MAML2: variants seen among roughly 807,000 people sequenced by gnomAD.
MAML2 encodes mastermind like transcriptional coactivator 2.
In MAML2, 22 loss-of-function variants were observed where a neutral mutation model predicts 96.1. That is an observed-to-expected ratio of 0.23 (90% confidence interval 0.16 to 0.33). The LOEUF (loss-of-function observed/expected upper bound fraction) is 0.33. Among genes scored for constraint, MAML2 ranks in the 10% least tolerant of loss-of-function variants. The probability of loss-of-function intolerance (pLI) is 1.00; values close to 1 mark genes in which losing one functional copy is unlikely to be tolerated. For missense variants in MAML2, 1,367 were observed against 1,392.4 expected (o/e 0.98, Z 0.29); for synonymous variants, 561 against 521.3 (o/e 1.08, Z -1.04).
In MAML2 at chr11:96,097,544, C is replaced by A. The variant is rs183766021; in HGVS notation, c.514-4027G>T. ...GGAAGGATCTCCAAAACAAATCTTT[C>A]ACCCAAGGGCTGACCTACCAATTAG... is the stretch of plus-strand genomic sequence containing the variant. On this transcript the variant is annotated intron_variant, in intron 1 of 4. Coordinates refer to ENST00000524717, the MANE Select transcript of MAML2 (RefSeq NM_032427.4). 2.0e-3 allele frequency among the ~76,000 whole-genome samples: 303 copies of A among 152,274 alleles called. 2 individuals carry two copies. Among genetic ancestry groups the A allele is most frequent in the Middle Eastern group, 3.4e-3 (1 of 292 alleles).
chr11:96,283,294 T>C (rs765135242), intron 1 of MAML2, among the ~76,000 whole-genome samples: 38 of 152,236 alleles, frequency 2.5e-4, no homozygotes, highest in Admixed American at 3.9e-4. Flanking sequence ...AATCTCACAT[T>C]AGTTTATTAA....
Position 96,128,617 on chromosome 11 carries a change from A to G in MAML2, c.514-35100T>C, listed in dbSNP as rs1860492740. Reference sequence around the variant, plus strand: ...TTCCTATTTATCAGGTTTACATGGCATGGTGCACCTAGGGCTCTCCAATAC... The same window carrying G: ...TTCCTATTTATCAGGTTTACATGGCGTGGTGCACCTAGGGCTCTCCAATAC... On this transcript the variant is annotated intron_variant, in intron 1 of 4. Transcript: ENST00000524717. 2.0e-5 allele frequency among the ~76,000 whole-genome samples: 3 copies of G among 152,172 alleles called. No individual in the cohort carries two copies. The South Asian group carries it at 6.2e-4, about 31-fold the overall frequency.
chr11:96,019,081 G>A (rs535498281), intron 2 of MAML2, among the ~76,000 whole-genome samples: 1 of 152,280 alleles, frequency 6.6e-6, no homozygotes, highest in East Asian at 1.9e-4. Flanking sequence ...GAAAAATAGA[G>A]AGGTAGCAGA....
intron 2 of MAML2, among the ~76,000 whole-genome samples, chr11:96,082,007 G>A (rs1859535487): frequency 6.6e-6 from 1 of 152,058 alleles, no homozygotes; most frequent in African/African-American, 2.4e-5. Context: ...CACCCCCATC[G>A]CATAACTTCT....
chr11:96,063,030 T>A (rs1279330432), intron 2 of MAML2, among the ~76,000 whole-genome samples: 2 of 152,228 alleles, frequency 1.3e-5, no homozygotes, highest in African/African-American at 4.8e-5. Flanking sequence ...CTTATACTCA[T>A]ACAAAGTCTT....
intron 2 of MAML2, among the ~76,000 whole-genome samples, chr11:96,080,495 T>C (rs1006275223): frequency 5.9e-5 from 9 of 152,314 alleles, no homozygotes; most frequent in South Asian, 4.1e-4. Context: ...AATCATAAAA[T>C]TCAAAATAAT....
chr11:96,216,720 A>G (rs1230627478), intron 1 of MAML2, among the ~76,000 whole-genome samples: 1 of 152,188 alleles, frequency 6.6e-6, no homozygotes, highest in Non-Finnish European at 1.5e-5. Flanking sequence ...CGTGCAGCCC[A>G]TTGAGAGAAG....
intron 2 of MAML2, among the ~76,000 whole-genome samples, chr11:96,069,000 C>T (rs979259152): frequency 1.4e-5 from 2 of 144,604 alleles, no homozygotes; most frequent in South Asian, 2.2e-4. Context: ...TAGCTCACTG[C>T]GGTCTCAAAC....
At chr11:96,125,639 G>A (rs1231957731) in intron 1 of MAML2, among the ~76,000 whole-genome samples, 1 of 152,116 alleles carries the variant, frequency 6.6e-6, no homozygotes, top group East Asian at 1.9e-4. Context: ...TGCCATGAAC[G>A]GTTCGTGTTA....
At chr11:96,278,232 GA>G (rs1323814571) in intron 1 of MAML2, among the ~76,000 whole-genome samples, 18 of 151,908 alleles carry the variant, frequency 1.2e-4, no homozygotes, top group Non-Finnish European at 1.9e-4. Flanking sequence ...TACTAAGGGG[GA>G]AAAAAAGGAA....
At chr11:96,166,147 T>G (rs1861186426) in intron 1 of MAML2, among the ~76,000 whole-genome samples, 1 of 113,304 alleles carries the variant, frequency 8.8e-6, no homozygotes, top group African/African-American at 3.1e-5. Flanking sequence ...TCTCTCTCTC[T>G]CTGTCTGTCT....
intron 1 of MAML2, among the ~76,000 whole-genome samples, chr11:96,110,919 T>G (rs1194452695): frequency 6.6e-6 from 1 of 152,240 alleles, no homozygotes; most frequent in Non-Finnish European, 1.5e-5. Flanking sequence ...AGGTCACATA[T>G]GGGACTTGCT....
chr11:96,259,013 ACT>A (rs1591100826), intron 1 of MAML2, among the ~76,000 whole-genome samples: 1 of 152,092 alleles, frequency 6.6e-6, no homozygotes, highest in African/African-American at 2.4e-5. Context: ...GAAAACACTA[ACT>A]CTGTTCAGAA....
chr11:96,062,529 G>T (rs1033973580), intron 2 of MAML2, among the ~76,000 whole-genome samples: 1 of 152,220 alleles, frequency 6.6e-6, no homozygotes, highest in Non-Finnish European at 1.5e-5. Context: ...TACAATAAGG[G>T]TGGCAGAGTT....
chr11:96,194,623 T>G (rs957253168), intron 1 of MAML2, among the ~76,000 whole-genome samples: 1 of 152,252 alleles, frequency 6.6e-6, no homozygotes, highest in Admixed American at 6.5e-5. Context: ...AACCACATTT[T>G]GAAATGTTGC....
chr11:96,340,089 C>T (rs1384292507), intron 1 of MAML2, among the ~76,000 whole-genome samples: 3 of 152,204 alleles, frequency 2.0e-5, no homozygotes, highest in African/African-American at 7.2e-5. Context: ...CACCATCCTA[C>T]TCCCCAGAGA....
chr11:96,070,602 C>G (rs1327660045), intron 2 of MAML2, among the ~76,000 whole-genome samples: 3 of 152,246 alleles, frequency 2.0e-5, no homozygotes, highest in Non-Finnish European at 4.4e-5. Flanking sequence ...GCTGCCCACC[C>G]CACTGGCGTG....
chr11:96,060,119 A>G (rs1859131982), intron 2 of MAML2, among the ~76,000 whole-genome samples: 1 of 152,248 alleles, frequency 6.6e-6, no homozygotes, highest in Admixed American at 6.5e-5. Flanking sequence ...TAAGAGCTTC[A>G]TGTGGTAGAA....
At chr11:96,054,388 A>G (rs1202942138) in intron 2 of MAML2, among the ~76,000 whole-genome samples, 3 of 152,274 alleles carry the variant, frequency 2.0e-5, no homozygotes, top group Non-Finnish European at 2.9e-5. Flanking sequence ...ACCTGTTCTG[A>G]TAGTTAGAGA....
Sources: gnomAD v4.1 joint callset for allele counts (sites outside exome capture counted in the v4.1 genomes callset) on GRCh38, gnomAD v4.1.1 for gene constraint, MANE v1.5 for transcripts, NCBI Gene and HGNC (gene_info 2026-07-23, HGNC 2026-07-21) for gene names.